EMC3: variants seen among roughly 807,000 people sequenced by gnomAD.
EMC3 encodes the protein 30 kDa protein.
Under a neutral mutation model 36.6 loss-of-function variants are expected in EMC3, and 13 were observed. That is an observed-to-expected ratio of 0.35 (90% confidence interval 0.23 to 0.56). The LOEUF is 0.56. Among genes scored for constraint, EMC3 ranks in the 20% least tolerant of loss-of-function variants. The pLI is 0.84. For synonymous variants in EMC3, 120 were observed against 111.9 expected (o/e 1.07, Z -0.46); for missense variants, 220 against 324.5 (o/e 0.68, Z 2.47).
At chr3:10,003,996 A>G (rs1277192636) in intron 1 of EMC3, 1 of 152,436 alleles carries the variant, frequency 6.6e-6, no homozygotes, top group Non-Finnish European at 1.5e-5. Context: ...AGCCCTTTGT[A>G]GCACTTAACC....
chr3:9,977,151 C>T (rs1351604632), intron 2 of EMC3, 101 bp from the exon 3 acceptor site: 2 of 964,890 alleles, frequency 2.1e-6, no homozygotes, highest in East Asian at 4.9e-5. Flanking sequence ...TTAGGATATG[C>T]TGTTCCGCTC....
upstream of EMC3, chr3:9,987,334 G>C (rs2124921778): frequency 4.1e-6 from 4 of 985,402 alleles, no homozygotes; most frequent in South Asian, 1.4e-4. Flanking sequence ...TCTTAAGTCC[G>C]GGCCGCGGTC....
At chr3:9,969,679 T>C in intron 7 of EMC3, 40 bp downstream of exon 7, 1 of 1,614,100 alleles carries the variant, frequency 6.2e-7, no homozygotes, top group African/African-American at 1.3e-5. Context: ...GTAACACCTT[T>C]CAGAGCATTG....
intron 1 of EMC3, chr3:9,993,141 T>A (rs2086075509): frequency 4.6e-6 from 3 of 647,232 alleles, no homozygotes; most frequent in Non-Finnish European, 8.4e-6. Context: ...TGCATTAACA[T>A]TTTAATTGTC....
intron 1 of EMC3, among the ~76,000 whole-genome samples, chr3:9,980,677 C>T (rs1339525239): frequency 3.3e-5 from 5 of 151,988 alleles, no homozygotes; most frequent in Admixed American, 3.3e-4. Context: ...CGTGAGCCAC[C>T]ACACCCAGCC....
intron 5 of EMC3, among the ~76,000 whole-genome samples, chr3:9,972,545 T>G (rs907162157): frequency 1.0e-4 from 15 of 144,482 alleles, no homozygotes; most frequent in African/African-American, 3.9e-4. Context: ...CTGAGGCAGG[T>G]GGATAACTTG....
intron 1 of EMC3, chr3:10,007,346 A>G (rs1225514629): frequency 1.5e-6 from 2 of 1,343,376 alleles, no homozygotes; most frequent in South Asian, 1.2e-5. Flanking sequence ...TGTGTCAATC[A>G]TGCTGAGAGG....
intron 1 of EMC3, among the ~76,000 whole-genome samples, chr3:9,996,013 C>T (rs1167602151): frequency 6.6e-6 from 1 of 152,194 alleles, no homozygotes; most frequent in Non-Finnish European, 1.5e-5. Flanking sequence ...TCAAAAAGCT[C>T]TGTCTATTAG....
Position 9,998,391 on chromosome 3 carries a change from A to AATAAT in EMC3, c.-241-11494_-241-11490dup, listed in dbSNP as rs1320975095. 1.0e-3 allele frequency among the ~76,000 whole-genome samples: 148 copies of AATAAT among 147,350 alleles called. 2 individuals are homozygous for AATAAT. Among genetic ancestry groups the AATAAT allele is most frequent in the Non-Finnish European group, 3.9e-4 (26 of 67,074 alleles). ...AAATAATAATAATAATAATAATAAT[A>AATAAT]ATAATAATAATAATAATTTTGCTTT... On this transcript the variant is annotated intron_variant, in intron 1 of 8. Transcript: ENST00000470827.
intron 1 of EMC3, among the ~76,000 whole-genome samples, chr3:10,006,014 G>A (rs1478191490): frequency 6.6e-6 from 1 of 152,140 alleles, no homozygotes; most frequent in African/African-American, 2.4e-5. Context: ...GCAGAAGACC[G>A]CCATTCTTGC....
intron 1 of EMC3, among the ~76,000 whole-genome samples, chr3:9,994,846 A>G (rs1001326177): frequency 1.3e-5 from 2 of 152,190 alleles, no homozygotes; most frequent in Non-Finnish European, 2.9e-5. Context: ...TGCTGCAATT[A>G]CAGGCATGAG....
chr3:9,977,205 A>G (rs1467831875), intron 2 of EMC3, among the ~76,000 whole-genome samples, 155 bp from the exon 3 acceptor site: 1 of 152,174 alleles, frequency 6.6e-6, no homozygotes, highest in Non-Finnish European at 1.5e-5. Flanking sequence ...ACTTTAGCTG[A>G]GTCACATTTA....
At chr3:9,964,644 A>G (rs1559348251) in intron 7 of EMC3, among the ~76,000 whole-genome samples, 2 of 152,250 alleles carry the variant, frequency 1.3e-5, no homozygotes, top group South Asian at 4.1e-4. Flanking sequence ...TGCATGGTCC[A>G]CAATGCTTTG....
At chr3:10,004,134 G>C (rs544658092) in intron 1 of EMC3, 1 of 152,160 alleles carries the variant, frequency 6.6e-6, no homozygotes, top group South Asian at 2.1e-4. Flanking sequence ...GCAGCATTAG[G>C]GTCCTCTCAG....
intron 7 of EMC3, 108 bp from the exon 8 acceptor site, chr3:9,964,305 C>G (rs956993594): frequency 6.7e-7 from 1 of 1,490,924 alleles, no homozygotes; most frequent in African/African-American, 1.4e-5. Flanking sequence ...AGTGAGCTAT[C>G]TGCATGTATA....
At chr3:9,965,414 C>CTTGA (rs1553602387) in intron 7 of EMC3, among the ~76,000 whole-genome samples, 1 of 100,234 alleles carries the variant, frequency 1.0e-5, no homozygotes, top group Non-Finnish European at 2.0e-5. Flanking sequence ...CAGTGAGACC[C>CTTGA]TCGATAGATA....
chr3:9,999,402 C>T (rs1449827123), intron 1 of EMC3, among the ~76,000 whole-genome samples: 1 of 152,016 alleles, frequency 6.6e-6, no homozygotes, highest in Non-Finnish European at 1.5e-5. Context: ...CCACAACGCC[C>T]AACTAATTTT....
intron 1 of EMC3, among the ~76,000 whole-genome samples, chr3:9,978,551 G>A (rs1306960501): frequency 6.6e-6 from 1 of 152,138 alleles, no homozygotes; most frequent in Non-Finnish European, 1.5e-5. Context: ...CTTGGTAGGG[G>A]CCAGGCGCAG....
At chr3:9,980,368 A>ATTT (rs112044792) in intron 1 of EMC3, among the ~76,000 whole-genome samples, 1 of 141,086 alleles carries the variant, frequency 7.1e-6, no homozygotes, top group African/African-American at 2.6e-5. Context: ...CTAATGAAGG[A>ATTT]TTTTTTTTTT....
Sources: allele counts gnomAD v4.1 joint callset (sites outside exome capture counted in the v4.1 genomes callset), GRCh38; gene constraint gnomAD v4.1.1; transcripts MANE v1.5; gene names NCBI Gene and HGNC (gene_info 2026-07-23, HGNC 2026-07-21).